The following TRMT5 variants were observed in gnomAD, a reference collection of about 807,000 sequenced individuals.
The protein encoded by TRMT5 is tRNA (guanine(37)-N(1))-methyltransferase.
TRMT5 carries 31 observed loss-of-function variants against 42.2 expected under a neutral mutation model. The ratio of observed to expected loss-of-function variants is 0.73; its 90% CI spans 0.55 to 0.99. TRMT5 has a LOEUF of 0.99. TRMT5 is among the 50% of genes least tolerant of loss of function. TRMT5 has a pLI of 0.00. For missense variants in TRMT5, 568 were observed against 595.0 expected (o/e 0.95, Z 0.47); for synonymous variants, 198 against 209.6 (o/e 0.94, Z 0.48).
Position 60,975,580 on chromosome 14 carries a change from T to C in TRMT5, c.1339A>G (p.Ser447Gly). 2.5e-6 allele frequency: 4 copies of C among 1,614,232 alleles called. No homozygotes were observed. Among genetic ancestry groups the C allele is most frequent in the South Asian group, 2.2e-5 (2 of 91,090 alleles). The change falls in exon 4 of 5, where the codon AGT (serine) becomes GGT (glycine). Residue 447 changes from serine to glycine, a missense_variant. Transcript: ENST00000261249. Reference sequence around the variant, plus strand: ...ACATTTCTTACCAGGTGAACTGAACTGCATGCCTCCAGAGAAATGCCTAAC... The same window carrying C: ...ACATTTCTTACCAGGTGAACTGAACCGCATGCCTCCAGAGAAATGCCTAAC... ...AVLGISLEAC[S>G]SVHLVRNVAP...
In TRMT5 at chr14:60,975,871, T is replaced by G; in HGVS notation, c.1048A>C (p.Lys350Gln). Residue 350 changes from lysine (K) to glutamine (Q), a missense_variant, in exon 4 of 5, where the codon AAA (lysine) becomes CAA (glutamine). Transcript: ENST00000261249. ...TCTTTCCCATCCAAGTTGAAGACTT[T>G]CACCTTTTGGTCCACTTTATTTAAT... ...CKLNKVDQKV[K>Q]VFNLDGKDFL... 1 of 1,614,226 alleles carries G rather than the reference T, an allele frequency of 6.2e-7. No homozygotes were observed. Among genetic ancestry groups the G allele is most frequent in the South Asian group, 1.1e-5 (1 of 91,078 alleles).
At position 60,981,052 on chromosome 14, in the gene TRMT5, G is replaced by T; in HGVS notation, c.-79C>A. 1 of 1,608,516 alleles carries T rather than the reference G, an allele frequency of 6.2e-7. No individual in the cohort carries two copies. The highest frequency in any genetic ancestry group is 8.5e-7 in the Non-Finnish European group (1 of 1,179,928). Reference sequence around the variant, plus strand: ...CCGCTCCGGTACCGATCGGATGTGGGTCGCGGGTGGATGGGCGGGTCTTCT... The same window carrying T: ...CCGCTCCGGTACCGATCGGATGTGGTTCGCGGGTGGATGGGCGGGTCTTCT... On this transcript the variant is annotated 5_prime_UTR_variant, in exon 1 of 5. Transcript: ENST00000261249.
rs1188118515 is a variant in TRMT5, at chr14:60,979,287, C to G, written c.611G>C (p.Gly204Ala). The G allele has an allele frequency of 2.5e-6, 4 of 1,613,904 alleles. No individual in the cohort carries two copies. Among genetic ancestry groups the G allele is most frequent in the Non-Finnish European group, 3.4e-6 (4 of 1,179,982 alleles). ...TCGAAGGTTTAGGTGTGCAATATGT[C>G]CAATCCTGCTAAACCCTGAAGTTAC... ...QDVTSGFSRI[G>A]HIAHLNLRDH... is the part of the protein sequence containing the mutation. The change falls in exon 2 of 5, where the codon GGA becomes GCA. Residue 204 changes from glycine to alanine, a missense_variant. Coordinates refer to ENST00000261249, the MANE Select transcript of TRMT5 (RefSeq NM_020810.3).
chr14:60,979,854 C>G lies in TRMT5; in HGVS notation c.44G>C (p.Arg15Thr), dbSNP rs1414961708. The change falls in exon 2 of 5, where the codon AGA becomes ACA. Residue 15 changes from arginine to threonine, a missense_variant. Arg to Thr is a moderately conservative substitution (Grantham distance 71, BLOSUM62 -1). Transcript: ENST00000261249. ...GCTATGGCTTTCCAGTTTCAGAAATCTTCCTGAGAATCCAAATGGCCTCCA... is the reference window on the plus strand; with the variant it reads ...GCTATGGCTTTCCAGTTTCAGAAATGTTCCTGAGAATCCAAATGGCCTCCA... ...ILWRPFGFSG[R>T]FLKLESHSIT... 6.3e-6 allele frequency: 10 copies of G among 1,585,862 alleles called. No individual in the cohort carries two copies. The highest frequency in any genetic ancestry group is 7.7e-6 in the Non-Finnish European group (9 of 1,167,058).
At position 60,979,787 on chromosome 14, in the gene TRMT5, G is replaced by C. The variant is rs770999990; in HGVS notation, c.111C>G (p.Ser37=). 2 of 1,613,850 alleles carry C rather than the reference G, an allele frequency of 1.2e-6. No homozygotes were observed. Among genetic ancestry groups the C allele is most frequent in the Non-Finnish European group, 1.7e-6 (2 of 1,179,994 alleles). ...SKSLIPVAWT[S]LTQMLLEAPG... ...GTGCTTCCAAAAGCATCTGTGTCAG[G>C]GATGTCCAAGCTACTGGAATCAACG... The change falls in exon 2 of 5, where the codon TCC becomes TCG. Residue 37 remains serine, a synonymous_variant. Transcript: ENST00000261249.
chr14:60,973,172 A>G lies in TRMT5; in HGVS notation c.*1937T>C, dbSNP rs757154869. ...GATTCAAATATCGATTGTCAAAATG[A>G]CTGTACCATATCAAAGTTGTTTTGC... On this transcript the variant is annotated 3_prime_UTR_variant, in exon 5 of 5. Coordinates refer to ENST00000261249, the MANE Select transcript of TRMT5 (RefSeq NM_020810.3). The G allele has an allele frequency of 2.0e-5, 3 of 152,252 alleles. No individual in the cohort carries two copies. Among genetic ancestry groups the G allele is most frequent in the Non-Finnish European group, 4.4e-5 (3 of 68,056 alleles). The allele number at this position is 152,252 out of a possible 1,614,324, so 9.4% of individuals were successfully genotyped here. A position where few individuals can be genotyped will look rare whatever the true frequency, so the allele number is the denominator to read the frequency against.
chr14:60,976,494 G>A (rs1320655215), intron 3 of TRMT5, among the ~76,000 whole-genome samples: 9 of 152,214 alleles, frequency 5.9e-5, no homozygotes, highest in Non-Finnish European at 1.5e-5. Flanking sequence ...GATAGACAAG[G>A]CAAGACCTAC....
In TRMT5 at chr14:60,975,463, G is replaced by GA; in HGVS notation, c.1444+11dup. On this transcript the variant is annotated intron_variant, in intron 4 of 4. Coordinates refer to ENST00000261249, the MANE Select transcript of TRMT5 (RefSeq NM_020810.3). ...GGCAAGGTTTACATTTAATTTCCCA[G>GA]AAACTGCTCACCTGGATTTCTGGTC... The GA allele has an allele frequency of 6.2e-7, 1 of 1,600,286 alleles. No individual in the cohort carries two copies. The highest frequency in any genetic ancestry group is 8.5e-7 in the Non-Finnish European group (1 of 1,172,886).
rs1300283623 is a variant in TRMT5 at position 60,975,995 on chromosome 14, C to T, written c.924G>A (p.Gly308=). Reference sequence around the variant, plus strand: ...CTACTGGAATGGCAAAGGGCCCAACCCCAGCAAAAACATCAAATAGGACAT... The same window carrying T: ...CTACTGGAATGGCAAAGGGCCCAACTCCAGCAAAAACATCAAATAGGACAT... ...PGDVLFDVFA[G]VGPFAIPVAK... Residue 308 remains glycine (G), a synonymous_variant, in exon 4 of 5, where the codon GGG becomes GGA. Transcript: ENST00000261249. The T allele has an allele frequency of 6.2e-7, 1 of 1,614,146 alleles. No homozygotes were observed.
Position 60,979,471 on chromosome 14 carries a change from A to G in TRMT5, c.427T>C (p.Tyr143His). ...KESRLIMLDP[Y>H]KIFTHDSFEK... ...AAGGAATCATGAGTAAATATTTTAT[A>G]GGGATCCAACATGATTAGTCTACTT... Residue 143 changes from tyrosine (Y) to histidine (H), a missense_variant, in exon 2 of 5, where the codon TAT (tyrosine) becomes CAT (histidine). Tyr to His is a moderately conservative substitution (Grantham distance 83). Transcript: ENST00000261249. The G allele has an allele frequency of 6.2e-7, 1 of 1,614,202 alleles. No individual in the cohort carries two copies. The highest frequency in any genetic ancestry group is 8.5e-7 in the Non-Finnish European group (1 of 1,180,026).
Position 60,977,629 on chromosome 14 carries a change from A to G in TRMT5, c.677T>C (p.Met226Thr), listed in dbSNP as rs1173888135. 1 of 1,602,988 alleles carries G rather than the reference A, an allele frequency of 6.2e-7. No individual in the cohort carries two copies. The highest frequency in any genetic ancestry group is 8.5e-7 in the Non-Finnish European group (1 of 1,175,662). ...LPFKHLIGQV[M>T]IDKNPGITSA... ...GGTGATTCCTGGATTTTTGTCAATC[A>G]TAACCTGGCCTAAAAGAAAAAATGA... is the stretch of plus-strand genomic sequence containing the variant. Residue 226 changes from methionine (M) to threonine (T), a missense_variant, in exon 3 of 5, where the codon ATG becomes ACG. Transcript: ENST00000261249.
rs557376667 is a variant in TRMT5, at chr14:60,979,274, G to C, written c.624C>G (p.His208Gln). ...SGFSRIGHIA[H>Q]LNLRDHQLPF... ...GCAGCTGATGATCTCGAAGGTTTAG[G>C]TGTGCAATATGTCCAATCCTGCTAA... The change falls in exon 2 of 5, where the codon CAC becomes CAG. Residue 208 changes from histidine to glutamine, a missense_variant. Coordinates refer to ENST00000261249, the MANE Select transcript of TRMT5 (RefSeq NM_020810.3). 4 of 1,613,728 alleles carry C rather than the reference G, an allele frequency of 2.5e-6. No individual in the cohort carries two copies. The Admixed American group carries it at 5.0e-5, about 20-fold the overall frequency.
Position 60,975,692 on chromosome 14 carries a change from G to T in TRMT5, c.1227C>A (p.Ser409Arg), listed in dbSNP as rs115952794. The change falls in exon 4 of 5, where the codon AGC (serine) becomes AGA (arginine). Residue 409 changes from serine to arginine, a missense_variant. Coordinates refer to ENST00000261249, the MANE Select transcript of TRMT5 (RefSeq NM_020810.3). ...FKWLLDGQPC[S>R]SEFLPIVHCY... ...AATGCACTATGGGAAGGAACTCACT[G>T]CTGCATGGCTGCCCATCTAAAAGCC... is the stretch of plus-strand genomic sequence containing the variant. 1.2e-6 allele frequency: 2 copies of T among 1,614,212 alleles called. No individual in the cohort carries two copies. Among genetic ancestry groups the T allele is most frequent in the Non-Finnish European group, 1.7e-6 (2 of 1,180,042 alleles).
chr14:60,980,721 A>C, intron 1 of TRMT5: 2 of 615,798 alleles, frequency 3.2e-6, no homozygotes, highest in Non-Finnish European at 5.7e-6. Context: ...TGGTTCTAGC[A>C]GCTGACCAGC....
rs1326071635 is a variant in TRMT5 at position 60,974,536 on chromosome 14, T to C, written c.*573A>G. ...CTCTTAATTTCATACAATTCTAATT[T>C]TTAAAACTGATACATAATAGATGTC... On this transcript the variant is annotated 3_prime_UTR_variant, in exon 5 of 5. Coordinates refer to ENST00000261249, the MANE Select transcript of TRMT5 (RefSeq NM_020810.3). The C allele has an allele frequency of 6.6e-6, 1 of 152,232 alleles. No individual in the cohort carries two copies. The highest frequency in any genetic ancestry group is 2.4e-5 in the African/African-American group (1 of 41,452). The allele number at this position is 152,232 out of a possible 1,614,324, so 9.4% of individuals were successfully genotyped here.
At chr14:60,978,400 A>C (rs1009402632) in intron 2 of TRMT5, among the ~76,000 whole-genome samples, 1 of 152,216 alleles carries the variant, frequency 6.6e-6, no homozygotes, top group African/African-American at 2.4e-5. Context: ...TTGTTTTTTA[A>C]TATAGTATCA....
chr14:60,975,954 G>A lies in TRMT5; in HGVS notation c.965C>T (p.Thr322Ile), dbSNP rs1436307795. ...AGGATTGAGATCATTGGCAAATACAGTGCAGTTTTTCTTTGCTACTGGAAT... is the reference window on the plus strand; with the variant it reads ...AGGATTGAGATCATTGGCAAATACAATGCAGTTTTTCTTTGCTACTGGAAT... Reference protein sequence around the residue: ...FAIPVAKKNCTVFANDLNPES... With the variant: ...FAIPVAKKNCIVFANDLNPES... The change falls in exon 4 of 5, where the codon ACT becomes ATT. Residue 322 changes from threonine (T) to isoleucine (I), a missense_variant. Thr to Ile is a moderately conservative substitution (Grantham distance 89). Transcript: ENST00000261249. 1.9e-6 allele frequency: 3 copies of A among 1,614,064 alleles called. No individual in the cohort carries two copies. In the African/African-American group the frequency reaches 4.0e-5, roughly 22 times the overall value.
At chr14:60,981,649 T>TGA (rs778239837), upstream of TRMT5, 33 of 1,437,506 alleles carry the variant, frequency 2.3e-5, no homozygotes, top group Non-Finnish European at 2.9e-5. Flanking sequence ...GCTGCGAACA[T>TGA]GATGGGATGA....
At position 60,973,157 on chromosome 14, in the gene TRMT5, T is replaced by C. The variant is rs2036799850; in HGVS notation, c.*1952A>G. ...GTCATCAAATATTGTGATTCAAATATCGATTGTCAAAATGACTGTACCATA... is the reference window on the plus strand; with the variant it reads ...GTCATCAAATATTGTGATTCAAATACCGATTGTCAAAATGACTGTACCATA... On this transcript the variant is annotated 3_prime_UTR_variant, in exon 5 of 5. Transcript: ENST00000261249. The C allele has an allele frequency of 6.6e-6, 1 of 152,232 alleles. No homozygotes were observed. 9.4% of individuals were successfully genotyped at this position (152,232 alleles called of 1,614,324 possible).
Sources: gnomAD v4.1 joint callset for allele counts (sites outside exome capture counted in the v4.1 genomes callset) on GRCh38, gnomAD v4.1.1 for gene constraint, MANE v1.5 for transcripts, NCBI Gene and HGNC (gene_info 2026-07-23, HGNC 2026-07-21) for gene names.